P2RX4: variants seen among roughly 807,000 people sequenced by gnomAD.
The protein encoded by P2RX4 is P2X purinoceptor 4.
Under a neutral mutation model 48.0 loss-of-function variants are expected in P2RX4, and 37 were observed. That is an observed-to-expected ratio of 0.77 (90% CI 0.59 to 1.01). The LOEUF (loss-of-function observed/expected upper bound fraction) is 1.01, where lower values mean the gene tolerates loss of function less well. Ranked by LOEUF, P2RX4 falls within the 50% of genes least tolerant of loss-of-function variation. P2RX4 has a pLI of 0.00. For synonymous variants in P2RX4, 200 were observed against 199.7 expected (o/e 1.00, Z -0.01); for missense variants, 501 against 521.4 (o/e 0.96, Z 0.38).
intron 1 of P2RX4, among the ~76,000 whole-genome samples, chr12:121,211,507 A>T (rs189288055): frequency 6.6e-6 from 1 of 152,078 alleles, no homozygotes; most frequent in African/African-American, 2.4e-5. Flanking sequence ...TTACAATTGA[A>T]TACAACGCGA....
intron 1 of P2RX4, chr12:121,213,129 A>G (rs1885998799): frequency 6.6e-6 from 1 of 152,066 alleles, no homozygotes; most frequent in Admixed American, 6.6e-5. Context: ...TTTCAAAGAC[A>G]TAGTACAGAA....
chr12:121,212,129 T>C (rs1291135095), intron 1 of P2RX4, among the ~76,000 whole-genome samples: 2 of 151,960 alleles, frequency 1.3e-5, no homozygotes, highest in East Asian at 3.9e-4. Context: ...AAGTAACAGA[T>C]CCCCCCGTCT....
At position 121,233,575 on chromosome 12, in the gene P2RX4, A is replaced by G; in HGVS notation, c.*26A>G. 1 of 1,605,400 alleles carries G rather than the reference A, an allele frequency of 6.2e-7. No homozygotes were observed. Among genetic ancestry groups the G allele is most frequent in the South Asian group, 1.1e-5 (1 of 89,542 alleles). ...GGCCTACCCCACACCTGGGCTCTCC[A>G]CAGCCCCATCAAAGAACAGAGAGGA... On this transcript the variant is annotated 3_prime_UTR_variant, in exon 12 of 12. Transcript: ENST00000337233.
rs1885727964 is a variant in P2RX4 at position 121,210,272 on chromosome 12, A to G, written c.108A>G (p.Gln36=). The G allele has an allele frequency of 1.3e-6, 2 of 1,555,636 alleles. No individual in the cohort carries two copies. Residue 36 remains glutamine, a synonymous_variant, in exon 1 of 12, where the codon CAA becomes CAG. Transcript: ENST00000337233. ...RKVGLMNRAV[Q]LLILAYVIGW... ...TGGGGCTCATGAACCGCGCCGTGCA[A>G]CTGCTCATCCTGGCCTACGTCATCG...
At chr12:121,216,680 C>T (rs1017137949) in intron 1 of P2RX4, 14 of 368,658 alleles carry the variant, frequency 3.8e-5, no homozygotes, top group East Asian at 1.2e-4. Flanking sequence ...ATTAGCCAGG[C>T]GTGTTGGCGC....
At chr12:121,224,414 G>A (rs1348731606) in intron 5 of P2RX4, among the ~76,000 whole-genome samples, 1 of 152,040 alleles carries the variant, frequency 6.6e-6, no homozygotes, top group Admixed American at 6.6e-5. Flanking sequence ...GACCAGCCTG[G>A]CCAACATGGA....
At position 121,222,112 on chromosome 12, in the gene P2RX4, G is replaced by C; in HGVS notation, c.373G>C (p.Val125Leu). 1 of 1,612,452 alleles carries C rather than the reference G, an allele frequency of 6.2e-7. No homozygotes were observed. The highest frequency in any genetic ancestry group is 8.5e-7 in the Non-Finnish European group (1 of 1,178,782). ...LCPEIPDATT[V>L]CKSDASCTAG... ...TTTCCAGATTCCAGATGCGACCACTGTGTGTAAATCAGATGCCAGCTGTAC... is the reference window on the plus strand; with the variant it reads ...TTTCCAGATTCCAGATGCGACCACTCTGTGTAAATCAGATGCCAGCTGTAC... The change falls in exon 4 of 12, where the codon GTG (valine) becomes CTG (leucine). Residue 125 changes from valine (V) to leucine (L), a missense_variant. Transcript: ENST00000337233.
Position 121,222,536 on chromosome 12 carries a change from C to T in P2RX4, c.427+370C>T, listed in dbSNP as rs535646614. 11 of 442,526 alleles carry T rather than the reference C, an allele frequency of 2.5e-5. No homozygotes were observed. In the East Asian group the frequency reaches 5.1e-4, roughly 20 times the overall value. The allele number at this position is 442,526 out of a possible 1,614,324, so 27.4% of individuals were successfully genotyped here. ...CAAACAATTCTCCTGCCTCAGCCTC[C>T]CGAGTAGCTGGGATTACAGGCATGC... On this transcript the variant is annotated intron_variant, in intron 4 of 11. Coordinates refer to ENST00000337233, the MANE Select transcript of P2RX4 (RefSeq NM_002560.3).
intron 2 of P2RX4, among the ~76,000 whole-genome samples, chr12:121,217,762 T>TAAAAA (rs113432941): frequency 1.9e-5 from 1 of 52,408 alleles, no homozygotes. Context: ...CCCATCTCTA[T>TAAAAA]AAAAAAAAAA....
chr12:121,212,824 A>ATATATTTTT (rs370835501), intron 1 of P2RX4: 7 of 32,252 alleles, frequency 2.2e-4, no homozygotes, highest in South Asian at 2.0e-3. Flanking sequence ...ATATATATAT[A>ATATATTTTT]TTTTTTTTTT....
At chr12:121,224,726 G>A (rs1886870532) in intron 5 of P2RX4, among the ~76,000 whole-genome samples, 1 of 152,024 alleles carries the variant, frequency 6.6e-6, no homozygotes, top group Non-Finnish European at 1.5e-5. Context: ...ATGGGGTGGA[G>A]TCCGGGCAGC....
At position 121,222,237 on chromosome 12, in the gene P2RX4, A is replaced by G. The variant is rs1407086515; in HGVS notation, c.427+71A>G. On this transcript the variant is annotated intron_variant, in intron 4 of 11. Coordinates refer to ENST00000337233, the MANE Select transcript of P2RX4 (RefSeq NM_002560.3). ...GCCCCCACTGTGGAGCGTCTCTGAT[A>G]GAGAAATCTTCCCAATTCCTTCACA... 6.5e-6 allele frequency: 7 copies of G among 1,073,706 alleles called. No homozygotes were observed. The African/African-American group carries it at 9.4e-5, about 14-fold the overall frequency. 66.5% of individuals were successfully genotyped at this position (1,073,706 alleles called of 1,614,324 possible).
intron 1 of P2RX4, among the ~76,000 whole-genome samples, chr12:121,212,410 C>T (rs1165259557): frequency 1.3e-5 from 2 of 149,942 alleles, no homozygotes; most frequent in Non-Finnish European, 3.0e-5. Context: ...GCCTGGACAA[C>T]ATAGCGAGAC....
chr12:121,230,256 G>GC (rs1887251654), intron 8 of P2RX4, among the ~76,000 whole-genome samples: 1 of 152,230 alleles, frequency 6.6e-6, no homozygotes, highest in Non-Finnish European at 1.5e-5. Flanking sequence ...GGTGGCGCAT[G>GC]CCTGTAATCC....
At chr12:121,226,702 TA>T (rs1392479048) in intron 5 of P2RX4, among the ~76,000 whole-genome samples, 2 of 152,222 alleles carry the variant, frequency 1.3e-5, no homozygotes, top group Admixed American at 1.3e-4. Flanking sequence ...GAGTTGATCT[TA>T]AAGTATTACA....
At chr12:121,212,824 A>ATATATATATTTTT (rs370835501) in intron 1 of P2RX4, 3 of 32,250 alleles carry the variant, frequency 9.3e-5, no homozygotes, top group Non-Finnish European at 1.4e-4. Context: ...ATATATATAT[A>ATATATATATTTTT]TTTTTTTTTT....
At chr12:121,230,368 G>A (rs1887258834) in intron 8 of P2RX4, among the ~76,000 whole-genome samples, 1 of 152,214 alleles carries the variant, frequency 6.6e-6, no homozygotes, top group African/African-American at 2.4e-5. Context: ...GGGCGACAAA[G>A]CAAGTCTCCG....
intron 11 of P2RX4, 83 bp from the exon 12 acceptor site, chr12:121,233,440 T>C (rs1054646254): frequency 6.9e-7 from 1 of 1,450,740 alleles, no homozygotes; most frequent in Non-Finnish European, 9.4e-7. Context: ...CCCCTGGCGG[T>C]GAAGTCCCAG....
At chr12:121,219,229 T>A (rs1358524941) in intron 2 of P2RX4, among the ~76,000 whole-genome samples, 3 of 152,170 alleles carry the variant, frequency 2.0e-5, no homozygotes, top group African/African-American at 7.2e-5. Context: ...TCCTGTGGCC[T>A]TCTCCTTGTC....
Sources: allele counts gnomAD v4.1 joint callset (sites outside exome capture counted in the v4.1 genomes callset), GRCh38; gene constraint gnomAD v4.1.1; transcripts MANE v1.5; gene names NCBI Gene and HGNC (gene_info 2026-07-23, HGNC 2026-07-21).